CHM: variants seen among roughly 807,000 people sequenced by gnomAD.
The protein encoded by CHM is CHM Rab escort protein.
CHM carries 10 observed loss-of-function variants against 49.0 expected under a neutral mutation model. The ratio of observed to expected loss-of-function variants is 0.20; its 90% confidence interval spans 0.13 to 0.35. The LOEUF (loss-of-function observed/expected upper bound fraction) is 0.35, where lower values mean the gene tolerates loss of function less well. Among genes scored for constraint, CHM ranks in the 10% least tolerant of loss-of-function variants. The pLI is 1.00. For missense variants in CHM, 455 were observed against 478.4 expected (o/e 0.95, Z 0.46); for synonymous variants, 184 against 167.5 (o/e 1.10, Z -0.76).
chrX:85,959,549 C>G (rs1930188090), intron 5 of CHM, among the ~76,000 whole-genome samples: 1 of 111,000 alleles, frequency 9.0e-6, no homozygotes, highest in Non-Finnish European at 1.9e-5. Context: ...CTGAAAAAGT[C>G]AAATTATAAG....
intron 13 of CHM, among the ~76,000 whole-genome samples, chrX:85,874,546 A>T (rs768678587): frequency 1.8e-5 from 2 of 111,556 alleles, no homozygotes; most frequent in African/African-American, 3.3e-5. Context: ...ATCAGGATAA[A>T]CAGGATTTTA....
Position 86,005,459 on chromosome X carries a change from A to G in CHM, c.116+22032T>C, listed in dbSNP as rs112282781. Among the ~76,000 whole-genome samples, 660 of 111,866 alleles carry G rather than the reference A, an allele frequency of 5.9e-3. 5 individuals are homozygous for G. Among genetic ancestry groups the G allele is most frequent in the African/African-American group, 0.02 (621 of 30,763 alleles). ...AGATCCACAAAAAACCCTTCAAAAA[A>G]ATCAATGAATCCAGGGGCTGGTTTT... On this transcript the variant is annotated intron_variant, in intron 2 of 14. Transcript: ENST00000357749.
At chrX:86,017,554 TAAG>T (rs1371314694) in intron 2 of CHM, among the ~76,000 whole-genome samples, 5 of 111,199 alleles carry the variant, frequency 4.5e-5, no homozygotes, top group Non-Finnish European at 1.9e-5. Context: ...TGCCACCATA[TAAG>T]AAGTGCATTT....
intron 13 of CHM, among the ~76,000 whole-genome samples, chrX:85,878,736 A>G (rs963372509): frequency 3.6e-5 from 4 of 111,079 alleles, no homozygotes; most frequent in Admixed American, 2.9e-4. Context: ...GTGCTTAATT[A>G]TGTTTTTTTG....
rs750393460 is a variant in CHM at position 85,958,192 on chromosome X, A to G, written c.820-217T>C. On this transcript the variant is annotated intron_variant, in intron 6 of 14. Coordinates refer to ENST00000357749, the MANE Select transcript of CHM (RefSeq NM_000390.4). Reference sequence around the variant, plus strand: ...ATTCTGCCAAGTTACTCCCCATGCCATTAAAAGGCCAACGGCATGTCATCC... The same window carrying G: ...ATTCTGCCAAGTTACTCCCCATGCCGTTAAAAGGCCAACGGCATGTCATCC... 3.9e-4 allele frequency among the ~76,000 whole-genome samples: 44 copies of G among 112,186 alleles called. 1 individual carries two copies. The highest frequency in any genetic ancestry group is 1.3e-3 in the African/African-American group (40 of 30,866).
intron 7 of CHM, 48 bp from the exon 8 acceptor site, chrX:85,956,426 A>G: frequency 8.6e-7 from 1 of 1,168,096 alleles, no homozygotes; most frequent in Admixed American, 2.4e-5. Flanking sequence ...CTAAACTTCT[A>G]TTTAAAACCA....
chrX:85,950,206 G>GCA (rs56073420), intron 8 of CHM, among the ~76,000 whole-genome samples: 1,384 of 98,837 alleles, frequency 0.014, 19 homozygotes, highest in African/African-American at 0.042. Context: ...GAAAAGCATT[G>GCA]CACACACACA....
intron 8 of CHM, among the ~76,000 whole-genome samples, chrX:85,941,022 G>A (rs1174940258): frequency 1.8e-5 from 2 of 111,269 alleles, no homozygotes; most frequent in Non-Finnish European, 3.8e-5. Context: ...TTGATATCAA[G>A]GTCTATGTCA....
At chrX:85,948,477 T>C (rs763671172) in intron 8 of CHM, among the ~76,000 whole-genome samples, 2 of 111,929 alleles carry the variant, frequency 1.8e-5, no homozygotes, top group Non-Finnish European at 3.8e-5. Context: ...TGTTTCATTT[T>C]CTTTACCAAA....
intron 9 of CHM, among the ~76,000 whole-genome samples, chrX:85,907,166 A>G (rs1376978328): frequency 1.8e-5 from 2 of 112,245 alleles, no homozygotes; most frequent in Admixed American, 1.9e-4. Context: ...TCAGAAAAAT[A>G]TATCTGACAT....
At chrX:85,955,536 A>T (rs1268837908) in intron 8 of CHM, among the ~76,000 whole-genome samples, 1 of 112,478 alleles carries the variant, frequency 8.9e-6, no homozygotes, top group Admixed American at 9.4e-5. Flanking sequence ...ATCCAATGCA[A>T]TGATAATTTA....
chrX:85,905,807 C>T (rs925689829), intron 9 of CHM, among the ~76,000 whole-genome samples: 1 of 111,030 alleles, frequency 9.0e-6, no homozygotes, highest in Non-Finnish European at 1.9e-5. Flanking sequence ...AGAGATGAGC[C>T]TAGACAGGGA....
intron 2 of CHM, among the ~76,000 whole-genome samples, chrX:86,002,953 G>A (rs978398193): frequency 5.3e-5 from 6 of 112,256 alleles, no homozygotes; most frequent in Admixed American, 2.8e-4. Context: ...CCTGACCCCC[G>A]TGTAGCCTAA....
At position 86,026,102 on chromosome X, in the gene CHM, C is replaced by CTTTTTTTTTTT. The variant is rs1167691945; in HGVS notation, c.116+1378_116+1388dup. 8.2e-4 allele frequency among the ~76,000 whole-genome samples: 22 copies of CTTTTTTTTTTT among 26,761 alleles called. 6 individuals are homozygous for CTTTTTTTTTTT. Among genetic ancestry groups the CTTTTTTTTTTT allele is most frequent in the Non-Finnish European group, 1.1e-3 (15 of 13,232 alleles). 23.2% of individuals were successfully genotyped at this position (26,761 alleles called of 115,157 possible). On this transcript the variant is annotated intron_variant, in intron 2 of 14. Coordinates refer to ENST00000357749, the MANE Select transcript of CHM (RefSeq NM_000390.4). Reference sequence around the variant, plus strand: ...CTGGGCTTTCAAGGTAGCAGATTTTCTTTTTTTTTTTTTTTTTTTTTTTTT... The same window carrying CTTTTTTTTTTT: ...CTGGGCTTTCAAGGTAGCAGATTTTCTTTTTTTTTTTTTTTTTTTTTTTTTTTTTTTTTTTT...
intron 2 of CHM, among the ~76,000 whole-genome samples, chrX:86,020,496 T>C (rs1933489095): frequency 9.3e-6 from 1 of 107,366 alleles, no homozygotes; most frequent in African/African-American, 3.4e-5. Context: ...ACTGCAAATA[T>C]TACATATATA....
chrX:85,973,325 A>AAAAAAAAAAAAAAAAG (rs1931068703), intron 4 of CHM, among the ~76,000 whole-genome samples: 2 of 103,375 alleles, frequency 1.9e-5, no homozygotes, highest in African/African-American at 7.0e-5. Flanking sequence ...AAAAAAAAAA[A>AAAAAAAAAAAAAAAAG]AAAAAAGAAA....
At chrX:85,880,420 A>T (rs1013359604) in intron 12 of CHM, among the ~76,000 whole-genome samples, 2 of 111,630 alleles carry the variant, frequency 1.8e-5, no homozygotes, top group Non-Finnish European at 3.8e-5. Context: ...AAAGGTCAGC[A>T]ATCCATAGGA....
intron 11 of CHM, among the ~76,000 whole-genome samples, chrX:85,897,810 G>C (rs1926002797): frequency 9.0e-6 from 1 of 111,097 alleles, no homozygotes; most frequent in Non-Finnish European, 1.9e-5. Flanking sequence ...TTCTTAAGCA[G>C]CCATCAGTGA....
At chrX:85,971,002 T>C (rs1930868338) in intron 4 of CHM, 2 of 658,827 alleles carry the variant, frequency 3.0e-6, no homozygotes, top group African/African-American at 2.4e-5. Flanking sequence ...TGAAAACCTT[T>C]AAGTTGAATA....
Sources: gnomAD v4.1 joint callset for allele counts (sites outside exome capture counted in the v4.1 genomes callset) on GRCh38, gnomAD v4.1.1 for gene constraint, MANE v1.5 for transcripts, NCBI Gene and HGNC (gene_info 2026-07-23, HGNC 2026-07-21) for gene names.